The following LPGAT1 variants were observed in gnomAD, a reference collection of about 807,000 sequenced individuals.
The protein encoded by LPGAT1 is acyl-CoA:lysophosphatidylglycerol acyltransferase 1.
LPGAT1 carries 11 observed loss-of-function variants against 47.5 expected under a neutral mutation model. The observed-to-expected ratio is 0.23, with a 90% CI of 0.15 to 0.38. The LOEUF is 0.38. Ranked by LOEUF, LPGAT1 falls within the 10% of genes least tolerant of loss-of-function variation. The pLI, the probability that LPGAT1 is intolerant of heterozygous loss-of-function variation, is 1.00. For missense variants in LPGAT1, 293 were observed against 439.0 expected (o/e 0.67, Z 2.97); for synonymous variants, 138 against 144.2 (o/e 0.96, Z 0.31).
intron 6 of LPGAT1, among the ~76,000 whole-genome samples, chr1:211,770,214 T>C (rs1658105933): frequency 6.6e-6 from 1 of 152,218 alleles, no homozygotes; most frequent in Non-Finnish European, 1.5e-5. Flanking sequence ...CTCTAGGATA[T>C]ATAGCCCCAA....
chr1:211,826,463 T>G (rs906569163), intron 2 of LPGAT1, among the ~76,000 whole-genome samples: 1 of 152,212 alleles, frequency 6.6e-6, no homozygotes, highest in African/African-American at 2.4e-5. Context: ...AGCCACCTAG[T>G]ACTGAGCACT....
intron 3 of LPGAT1, among the ~76,000 whole-genome samples, chr1:211,790,261 T>A (rs1259694323): frequency 1.3e-5 from 2 of 152,168 alleles, no homozygotes; most frequent in Non-Finnish European, 2.9e-5. Flanking sequence ...ACACAAAACG[T>A]CTGGCAATGC....
At chr1:211,762,870 A>G (rs1197239984) in intron 6 of LPGAT1, among the ~76,000 whole-genome samples, 1 of 152,224 alleles carries the variant, frequency 6.6e-6, no homozygotes, top group Admixed American at 6.5e-5. Flanking sequence ...CAAGACTCCA[A>G]AATGTGAGCT....
rs544694730 is a variant in LPGAT1 at position 211,775,644 on chromosome 1, C to A, written c.854+3274G>T. Among the ~76,000 whole-genome samples, 356 of 152,178 alleles carry A rather than the reference C, an allele frequency of 2.3e-3. 3 individuals carry two copies. Among genetic ancestry groups the A allele is most frequent in the Admixed American group, 4.0e-3 (61 of 15,290 alleles). On this transcript the variant is annotated intron_variant, in intron 6 of 7. Transcript: ENST00000366997. ...CTGGGAGTTTCTCTTAGAATTGTTT[C>A]ATGGCCGGGCGCAGTGGCTCATGCC...
At chr1:211,815,773 CTTTTTTTTTTTTTTT>C (rs938719098) in intron 2 of LPGAT1, among the ~76,000 whole-genome samples, 1 of 101,846 alleles carries the variant, frequency 9.8e-6, no homozygotes, top group African/African-American at 3.6e-5. Flanking sequence ...AAATGCTTTT[CTTTTTTTTTTTTTTT>C]TTTTTTTTGA....
At chr1:211,750,822 A>T (rs1216528006) in intron 7 of LPGAT1, 139 bp downstream of exon 7, 1 of 622,638 alleles carries the variant, frequency 1.6e-6, no homozygotes, top group Non-Finnish European at 2.9e-6. Context: ...AAGCTGATTC[A>T]TGAGGGGATT....
intron 6 of LPGAT1, among the ~76,000 whole-genome samples, chr1:211,765,840 T>A (rs1430774167): frequency 6.6e-6 from 1 of 152,200 alleles, no homozygotes; most frequent in Non-Finnish European, 1.5e-5. Flanking sequence ...CCCAGATAGC[T>A]GGTAAAACAT....
intron 2 of LPGAT1, among the ~76,000 whole-genome samples, chr1:211,793,589 C>T (rs1321998636): frequency 4.6e-5 from 7 of 152,006 alleles, no homozygotes; most frequent in African/African-American, 1.4e-4. Context: ...CACACCACCA[C>T]GCCCAGCTGA....
intron 6 of LPGAT1, among the ~76,000 whole-genome samples, chr1:211,770,938 A>C (rs1481077072): frequency 6.6e-6 from 1 of 152,016 alleles, no homozygotes; most frequent in Non-Finnish European, 1.5e-5. Flanking sequence ...CTCTACTAAA[A>C]ATACAAAAAT....
At chr1:211,773,653 ATTACTTTTGCCT>A (rs1658270358) in intron 6 of LPGAT1, among the ~76,000 whole-genome samples, 1 of 152,228 alleles carries the variant, frequency 6.6e-6, no homozygotes, top group African/African-American at 2.4e-5. Flanking sequence ...AAGGACAGAC[ATTACTTTTGCCT>A]TTACCCCTAT....
intron 6 of LPGAT1, among the ~76,000 whole-genome samples, chr1:211,752,200 T>A (rs1476875657): frequency 6.6e-6 from 1 of 152,240 alleles, no homozygotes; most frequent in African/African-American, 2.4e-5. Context: ...TTTCATTTGC[T>A]TAATTTTCCA....
At chr1:211,806,144 C>T (rs757458070) in intron 2 of LPGAT1, among the ~76,000 whole-genome samples, 29 of 151,588 alleles carry the variant, frequency 1.9e-4, no homozygotes, top group Admixed American at 3.9e-4. Context: ...CCTGTAGTCC[C>T]GGGTACTTGG....
chr1:211,819,601 G>C (rs1660295588), intron 2 of LPGAT1, among the ~76,000 whole-genome samples: 1 of 152,186 alleles, frequency 6.6e-6, no homozygotes. Context: ...CTGGGGTGGA[G>C]AGCAGCTTAT....
In LPGAT1 at chr1:211,763,618, C is replaced by A. The variant is rs951062560; in HGVS notation, c.855-12551G>T. ...ACATACGTATATAATTTCTAAAAGT[C>A]AAAGCATACCACAGGGTAGACAACA... On this transcript the variant is annotated intron_variant, in intron 6 of 7. Coordinates refer to ENST00000366997, the MANE Select transcript of LPGAT1 (RefSeq NM_014873.3). Among the ~76,000 whole-genome samples, 6 of 152,304 alleles carry A rather than the reference C, an allele frequency of 3.9e-5. No individual in the cohort carries two copies. In the East Asian group the frequency reaches 1.2e-3, roughly 29 times the overall value.
intron 2 of LPGAT1, among the ~76,000 whole-genome samples, chr1:211,795,876 C>T (rs954874931): frequency 3.9e-5 from 6 of 152,054 alleles, no homozygotes; most frequent in Non-Finnish European, 7.4e-5. Flanking sequence ...TAAGTAAGAA[C>T]ATTTCAAGTA....
chr1:211,765,249 A>T (rs1186270694), intron 6 of LPGAT1, among the ~76,000 whole-genome samples: 1 of 152,250 alleles, frequency 6.6e-6, no homozygotes, highest in African/African-American at 2.4e-5. Flanking sequence ...TGCTTCACCC[A>T]GATTCCCCAA....
At chr1:211,825,266 A>G (rs1026669695) in intron 2 of LPGAT1, among the ~76,000 whole-genome samples, 1 of 127,764 alleles carries the variant, frequency 7.8e-6, no homozygotes, top group Non-Finnish European at 1.5e-5. Flanking sequence ...ATCACAGCTC[A>G]CTGTAACCTC....
intron 2 of LPGAT1, among the ~76,000 whole-genome samples, chr1:211,808,754 C>G (rs1363305683): frequency 6.6e-6 from 1 of 152,188 alleles, no homozygotes; most frequent in African/African-American, 2.4e-5. Context: ...CAAACTTTTT[C>G]TGTAATGGGC....
chr1:211,819,215 C>T (rs1215404439), intron 2 of LPGAT1, among the ~76,000 whole-genome samples: 3 of 152,084 alleles, frequency 2.0e-5, no homozygotes, highest in African/African-American at 4.8e-5. Flanking sequence ...AATCCCAGGC[C>T]GGGTGCGGTG....
Sources: allele counts gnomAD v4.1 joint callset (sites outside exome capture counted in the v4.1 genomes callset), GRCh38; gene constraint gnomAD v4.1.1; transcripts MANE v1.5; gene names NCBI Gene and HGNC (gene_info 2026-07-23, HGNC 2026-07-21).